The following GLCE variants were observed in gnomAD, a reference collection of about 807,000 sequenced individuals.
The protein encoded by GLCE is glucuronic acid epimerase.
Under a neutral mutation model 47.9 loss-of-function variants are expected in GLCE, and 19 were observed. That is an observed-to-expected ratio of 0.40 (90% CI 0.28 to 0.58). The LOEUF is 0.58. Among genes scored for constraint, GLCE ranks in the 20% least tolerant of loss-of-function variants. The pLI, the probability that GLCE is intolerant of heterozygous loss-of-function variation, is 0.48. For synonymous variants in GLCE, 245 were observed against 263.4 expected (o/e 0.93, Z 0.68); for missense variants, 556 against 743.3 (o/e 0.75, Z 2.93).
chr15:69,214,786 C>T (rs778019171), intron 2 of GLCE, among the ~76,000 whole-genome samples: 4 of 152,174 alleles, frequency 2.6e-5, no homozygotes, highest in Non-Finnish European at 4.4e-5. Flanking sequence ...ACCTGACTCT[C>T]ATTCTCTACA....
intron 2 of GLCE, among the ~76,000 whole-genome samples, chr15:69,216,628 T>TATATATATA (rs1416898607): frequency 5.3e-5 from 8 of 152,102 alleles, no homozygotes; most frequent in Non-Finnish European, 8.8e-5. Flanking sequence ...AATTAGGCCT[T>TATATATATA]TCTATTTGTT....
intron 1 of GLCE, among the ~76,000 whole-genome samples, chr15:69,171,064 T>A (rs2051581197): frequency 1.3e-5 from 2 of 152,210 alleles, no homozygotes; most frequent in African/African-American, 4.8e-5. Context: ...CAGTGAAAAT[T>A]TGAGTTTGAA....
chr15:69,231,626 T>C (rs1282335875), intron 2 of GLCE, among the ~76,000 whole-genome samples: 1 of 152,126 alleles, frequency 6.6e-6, no homozygotes, highest in African/African-American at 2.4e-5. Context: ...TGATGGACTA[T>C]TCGCTGAGCA....
intron 2 of GLCE, among the ~76,000 whole-genome samples, chr15:69,230,942 T>C (rs1308758632): frequency 6.6e-6 from 1 of 152,212 alleles, no homozygotes; most frequent in African/African-American, 2.4e-5. Flanking sequence ...AGGCTGTCTG[T>C]ATTCCTTGGC....
intron 1 of GLCE, among the ~76,000 whole-genome samples, chr15:69,164,597 A>G (rs1239091756): frequency 6.6e-6 from 1 of 151,342 alleles, no homozygotes; most frequent in Non-Finnish European, 1.5e-5. Flanking sequence ...ACACACTTAG[A>G]GTTTTTGTGT....
chr15:69,179,907 A>G (rs1207029578), intron 1 of GLCE, among the ~76,000 whole-genome samples: 2 of 152,188 alleles, frequency 1.3e-5, no homozygotes, highest in Non-Finnish European at 2.9e-5. Flanking sequence ...GAATTGCTTG[A>G]GCCTGGGAAG....
chr15:69,216,106 ATTG>A (rs2052303604), intron 2 of GLCE, among the ~76,000 whole-genome samples: 1 of 152,160 alleles, frequency 6.6e-6, no homozygotes, highest in Non-Finnish European at 1.5e-5. Flanking sequence ...TGATAATTTT[ATTG>A]TTGTCTAAAG....
At chr15:69,186,043 A>G (rs1310309963) in intron 1 of GLCE, among the ~76,000 whole-genome samples, 1 of 152,120 alleles carries the variant, frequency 6.6e-6, no homozygotes, top group Non-Finnish European at 1.5e-5. Context: ...AGATGAAGCG[A>G]TGCATAGGGT....
chr15:69,204,650 C>T (rs2140367709), intron 1 of GLCE, among the ~76,000 whole-genome samples: 1 of 152,132 alleles, frequency 6.6e-6, no homozygotes, highest in Middle Eastern at 3.4e-3. Context: ...TATTCCTCTC[C>T]CTGACCAACA....
In GLCE at chr15:69,266,515, G is replaced by T. The variant is rs374033368; in HGVS notation, c.830-1705G>T. Among the ~76,000 whole-genome samples, 3 of 152,146 alleles carry T rather than the reference G, an allele frequency of 2.0e-5. No homozygotes were observed. In the East Asian group the frequency reaches 5.8e-4, roughly 29 times the overall value. ...TGTATTATATTTTTTGTAGAGTTAG[G>T]GTCTCGCTTTCTTGCCCAGACTGGT... On this transcript the variant is annotated intron_variant, in intron 4 of 4. Transcript: ENST00000261858.
At chr15:69,239,243 T>C (rs1376640860) in intron 2 of GLCE, among the ~76,000 whole-genome samples, 4 of 152,210 alleles carry the variant, frequency 2.6e-5, no homozygotes, top group African/African-American at 9.6e-5. Context: ...TTAGTTCTAC[T>C]GAGAGATGTG....
intron 2 of GLCE, among the ~76,000 whole-genome samples, chr15:69,244,946 C>A (rs1336127675): frequency 2.6e-5 from 4 of 152,206 alleles, no homozygotes; most frequent in African/African-American, 9.6e-5. Context: ...TAAAGTGACT[C>A]ACACACATTT....
intron 1 of GLCE, chr15:69,197,170 C>A: frequency 4.9e-6 from 2 of 410,122 alleles, no homozygotes; most frequent in South Asian, 3.7e-5. Flanking sequence ...GACAATGCGT[C>A]GCACAACCAA....
At chr15:69,197,914 G>A (rs1287056894) in intron 1 of GLCE, among the ~76,000 whole-genome samples, 3 of 152,088 alleles carry the variant, frequency 2.0e-5, no homozygotes, top group Non-Finnish European at 2.9e-5. Context: ...TGCAGTAGAA[G>A]GAAGAGAAAA....
intron 2 of GLCE, among the ~76,000 whole-genome samples, chr15:69,246,808 A>G (rs1040181132): frequency 6.6e-6 from 1 of 152,084 alleles, no homozygotes; most frequent in Non-Finnish European, 1.5e-5. Context: ...TGGATACAGC[A>G]TTAATCTCGT....
chr15:69,263,959 A>G (rs1372878932), intron 4 of GLCE, among the ~76,000 whole-genome samples: 1 of 152,200 alleles, frequency 6.6e-6, no homozygotes, highest in East Asian at 1.9e-4. Flanking sequence ...TGCCATAATT[A>G]AATTAGTTAA....
At chr15:69,208,236 T>C (rs1387559684) in intron 1 of GLCE, among the ~76,000 whole-genome samples, 1 of 151,760 alleles carries the variant, frequency 6.6e-6, no homozygotes, top group Non-Finnish European at 1.5e-5. Context: ...ACAAAGATTT[T>C]CTTCTTCTTT....
At chr15:69,185,164 T>A (rs2051804066) in intron 1 of GLCE, among the ~76,000 whole-genome samples, 1 of 152,226 alleles carries the variant, frequency 6.6e-6, no homozygotes, top group African/African-American at 2.4e-5. Flanking sequence ...AAAATATGCT[T>A]CATCATACTT....
chr15:69,247,111 G>A (rs2052762111), intron 2 of GLCE, among the ~76,000 whole-genome samples: 1 of 152,186 alleles, frequency 6.6e-6, no homozygotes, highest in Non-Finnish European at 1.5e-5. Context: ...GAGTCAGCTG[G>A]TGCTTTGAAG....
Sources: gnomAD v4.1 joint callset for allele counts (sites outside exome capture counted in the v4.1 genomes callset) on GRCh38, gnomAD v4.1.1 for gene constraint, MANE v1.5 for transcripts, NCBI Gene and HGNC (gene_info 2026-07-23, HGNC 2026-07-21) for gene names.